AAK1: variants seen among roughly 807,000 people sequenced by gnomAD.
AAK1 encodes AP2 associated kinase 1.
AAK1 carries 37 observed loss-of-function variants against 116.0 expected under a neutral mutation model. The ratio of observed to expected loss-of-function variants is 0.32; its 90% CI spans 0.25 to 0.42. The LOEUF is 0.42. AAK1 is among the 10% of genes least tolerant of loss of function. The pLI, the probability that AAK1 is intolerant of heterozygous loss-of-function variation, is 1.00. For synonymous variants in AAK1, 458 were observed against 439.9 expected (o/e 1.04, Z -0.51); for missense variants, 919 against 1,170.6 (o/e 0.79, Z 3.14).
intron 4 of AAK1, among the ~76,000 whole-genome samples, 184 bp from the exon 5 acceptor site, chr2:69,542,849 T>C (rs1209405909): frequency 6.6e-6 from 1 of 152,198 alleles, no homozygotes; most frequent in African/African-American, 2.4e-5. Flanking sequence ...TTTCTTATAA[T>C]TCAGTGTCTC....
chr2:69,482,597 T>G lies in AAK1; in HGVS notation c.2467+114A>C, dbSNP rs1187792032. 3 of 840,192 alleles carry G rather than the reference T, an allele frequency of 3.6e-6. No individual in the cohort carries two copies. The African/African-American group carries it at 5.0e-5, about 14-fold the overall frequency. 52.0% of individuals were successfully genotyped at this position (840,192 alleles called of 1,614,324 possible). The stretch of plus-strand genomic sequence containing the variant: ...TGATACAAGTGAGATTAAATAGCCT[T>G]GGCTTCTGGGGTGGCAGGGCTATTC... On this transcript the variant is annotated intron_variant, in intron 18 of 21. Coordinates refer to ENST00000409085, the MANE Select transcript of AAK1 (RefSeq NM_014911.5).
chr2:69,570,862 C>T (rs915378717), intron 2 of AAK1, among the ~76,000 whole-genome samples: 1 of 152,178 alleles, frequency 6.6e-6, no homozygotes, highest in African/African-American at 2.4e-5. Context: ...GAGTGCCTGG[C>T]CAGTGTTCTC....
chr2:69,629,857 T>G (rs1675084661), intron 2 of AAK1, among the ~76,000 whole-genome samples: 1 of 151,966 alleles, frequency 6.6e-6, no homozygotes, highest in South Asian at 2.1e-4. Context: ...AACAGTAAAA[T>G]AAAACTTTGA....
intron 16 of AAK1, 60 bp downstream of exon 16, chr2:69,505,505 GAGTA>G: frequency 7.8e-7 from 1 of 1,282,650 alleles, no homozygotes; most frequent in Non-Finnish European, 1.1e-6. Flanking sequence ...GTTATCTGTG[GAGTA>G]AAAAACAGTG....
chr2:69,636,201 T>TA (rs143434099), intron 2 of AAK1, among the ~76,000 whole-genome samples: 4,630 of 150,400 alleles, frequency 0.031, 233 homozygotes, highest in African/African-American at 0.11. Flanking sequence ...AGATTTCTAC[T>TA]AAAAAAAAAC....
Position 69,578,864 on chromosome 2 carries a change from C to T in AAK1, c.164-21886G>A, listed in dbSNP as rs535869237. Among the ~76,000 whole-genome samples the T allele has an allele frequency of 2.5e-4, 37 of 149,394 alleles. No homozygotes were observed. In the South Asian group the frequency reaches 4.5e-3, roughly 18 times the overall value. On this transcript the variant is annotated intron_variant, in intron 2 of 21. Coordinates refer to ENST00000409085, the MANE Select transcript of AAK1 (RefSeq NM_014911.5). ...TGTCGCCCAGGCTGGAGTGCAGTGGCGCGGTCTCGGCTCACTGCAAGCTCC... is the reference window on the plus strand; with the variant it reads ...TGTCGCCCAGGCTGGAGTGCAGTGGTGCGGTCTCGGCTCACTGCAAGCTCC...
chr2:69,589,429 C>T (rs1400272500), intron 2 of AAK1, among the ~76,000 whole-genome samples: 1 of 152,056 alleles, frequency 6.6e-6, no homozygotes, highest in Non-Finnish European at 1.5e-5. Context: ...AGTATTGGGG[C>T]CAGGCACAGT....
chr2:69,563,094 T>C (rs2105099689), intron 2 of AAK1, among the ~76,000 whole-genome samples: 1 of 152,160 alleles, frequency 6.6e-6, no homozygotes, highest in African/African-American at 2.4e-5. Context: ...GACAAAGATT[T>C]AAACACTCTC....
Position 69,467,784 on chromosome 2 carries a change from A to G in AAK1, c.*8085T>C. 12 of 985,460 alleles carry G rather than the reference A, an allele frequency of 1.2e-5. No individual in the cohort carries two copies. The highest frequency in any genetic ancestry group is 1.4e-5 in the Non-Finnish European group (12 of 829,938). The allele number at this position is 985,460 out of a possible 1,614,324, so 61.0% of individuals were successfully genotyped here. A position where few individuals can be genotyped will look rare whatever the true frequency, so the allele number is the denominator to read the frequency against. On this transcript the variant is annotated 3_prime_UTR_variant, in exon 22 of 22. Coordinates refer to ENST00000409085, the MANE Select transcript of AAK1 (RefSeq NM_014911.5). Reference sequence around the variant, plus strand: ...GAATTAAGCACACAGACCACAGCAGAAGAGGCATTAAAATCAGTTTATTGG... The same window carrying G: ...GAATTAAGCACACAGACCACAGCAGGAGAGGCATTAAAATCAGTTTATTGG...
chr2:69,643,526 T>TC, intron 1 of AAK1, 49 bp downstream of exon 1: 1 of 1,225,588 alleles, frequency 8.2e-7, no homozygotes, highest in Non-Finnish European at 1.0e-6. Context: ...CTCCCGCTCC[T>TC]CCCGGGTCTC....
chr2:69,601,147 T>C (rs934583123), intron 2 of AAK1, among the ~76,000 whole-genome samples: 5 of 152,256 alleles, frequency 3.3e-5, no homozygotes, highest in Non-Finnish European at 7.3e-5. Context: ...TTTACTGTGA[T>C]ATTTGCTTTA....
chr2:69,532,772 C>T (rs1051063183), intron 5 of AAK1, among the ~76,000 whole-genome samples: 3 of 152,168 alleles, frequency 2.0e-5, no homozygotes, highest in Admixed American at 6.5e-5. Context: ...AGTTACTTCT[C>T]AATGTGATAA....
chr2:69,637,822 G>A (rs1201081874), intron 2 of AAK1, among the ~76,000 whole-genome samples: 2 of 152,086 alleles, frequency 1.3e-5, no homozygotes, highest in African/African-American at 4.8e-5. Context: ...ACTCTACATG[G>A]CGTTTTAGCT....
At chr2:69,536,584 A>T (rs1670483879) in intron 5 of AAK1, among the ~76,000 whole-genome samples, 1 of 152,122 alleles carries the variant, frequency 6.6e-6, no homozygotes, top group Non-Finnish European at 1.5e-5. Context: ...GAAGCTCAAG[A>T]TTGTTTACCA....
rs1325835405 is a variant in AAK1, at chr2:69,530,099, C to T, written c.780G>A (p.Leu260=). 4.3e-6 allele frequency: 7 copies of T among 1,610,844 alleles called. No individual in the cohort carries two copies. The highest frequency in any genetic ancestry group is 5.9e-6 in the Non-Finnish European group (7 of 1,178,854). Residue 260 remains leucine, a synonymous_variant, in exon 8 of 22, where the codon TTG becomes TTA. Coordinates refer to ENST00000409085, the MANE Select transcript of AAK1 (RefSeq NM_014911.5). ...CLLYKLCYFT[L]PFGESQVAIC... ...TTGCCACCTGACTTTCCCCAAATGGCAAAGTGAAGTAGCATAATTTATACA... is the reference window on the plus strand; with the variant it reads ...TTGCCACCTGACTTTCCCCAAATGGTAAAGTGAAGTAGCATAATTTATACA...
intron 2 of AAK1, among the ~76,000 whole-genome samples, chr2:69,625,561 C>T (rs151007982): frequency 4.1e-4 from 63 of 152,144 alleles, no homozygotes; most frequent in African/African-American, 1.4e-3. Flanking sequence ...GCCTGGTGGA[C>T]GGAACTGGGA....
intron 2 of AAK1, among the ~76,000 whole-genome samples, chr2:69,620,892 A>G (rs1009758694): frequency 6.6e-6 from 1 of 152,236 alleles, no homozygotes; most frequent in Non-Finnish European, 1.5e-5. Context: ...CAATGCCATG[A>G]TACTTAACTT....
At chr2:69,563,281 G>A (rs1671722609) in intron 2 of AAK1, among the ~76,000 whole-genome samples, 1 of 152,124 alleles carries the variant, frequency 6.6e-6, no homozygotes, top group African/African-American at 2.4e-5. Flanking sequence ...GAAAAGTGAG[G>A]GAAGGGAAGG....
intron 10 of AAK1, 58 bp downstream of exon 10, chr2:69,524,975 C>G: frequency 6.7e-7 from 1 of 1,495,434 alleles, no homozygotes; most frequent in Non-Finnish European, 9.3e-7. Flanking sequence ...ACACAGGCAT[C>G]ATTCCCTGCT....
Sources: gnomAD v4.1 joint callset for allele counts (sites outside exome capture counted in the v4.1 genomes callset) on GRCh38, gnomAD v4.1.1 for gene constraint, MANE v1.5 for transcripts, NCBI Gene and HGNC (gene_info 2026-07-23, HGNC 2026-07-21) for gene names.